DOCK3: variants seen among roughly 807,000 people sequenced by gnomAD.
DOCK3 encodes the protein dedicator of cytokinesis 3.
DOCK3 carries 60 observed loss-of-function variants against 265.6 expected under a neutral mutation model. The ratio of observed to expected loss-of-function variants is 0.23; its 90% CI spans 0.18 to 0.28. The LOEUF (loss-of-function observed/expected upper bound fraction) is 0.28. Among genes scored for constraint, DOCK3 ranks in the 10% least tolerant of loss-of-function variants. The pLI, the probability that DOCK3 is intolerant of heterozygous loss-of-function variation, is 1.00. For synonymous variants in DOCK3, 881 were observed against 938.0 expected (o/e 0.94, Z 1.11); for missense variants, 1,981 against 2,594.3 (o/e 0.76, Z 5.14).
chr3:51,115,200 G>A (rs1032109327), intron 9 of DOCK3, among the ~76,000 whole-genome samples: 2 of 152,156 alleles, frequency 1.3e-5, no homozygotes, highest in Non-Finnish European at 2.9e-5. Context: ...TCTAGTTGTA[G>A]ATCCCTGAGG....
chr3:50,985,985 C>T (rs2077887764), intron 5 of DOCK3, among the ~76,000 whole-genome samples: 2 of 151,918 alleles, frequency 1.3e-5, no homozygotes, highest in African/African-American at 4.8e-5. Flanking sequence ...GCTAGGCATT[C>T]TACCTTGTGC....
In DOCK3 at chr3:50,787,088, T is replaced by C. The variant is rs2042222818; in HGVS notation, c.121+8330T>C. The C allele has an allele frequency of 2.1e-5, 15 of 726,418 alleles. 1 individual carries two copies. The South Asian group carries it at 2.1e-4, about 10-fold the overall frequency. 45.0% of individuals were successfully genotyped at this position (726,418 alleles called of 1,614,324 possible). On this transcript the variant is annotated intron_variant, in intron 2 of 52. Coordinates refer to ENST00000266037, the MANE Select transcript of DOCK3 (RefSeq NM_004947.5). ...CTTGATATGTTCATGAAGGATCCAG[T>C]TTCTTGAACGATTTATTACAGGCAA...
chr3:51,365,680 A>G (rs1179334186), intron 49 of DOCK3, among the ~76,000 whole-genome samples: 1 of 152,226 alleles, frequency 6.6e-6, no homozygotes, highest in Non-Finnish European at 1.5e-5. Context: ...TAGTTTATTG[A>G]GAGTTTTTAG....
chr3:51,257,435 A>G (rs2079609273), intron 22 of DOCK3, among the ~76,000 whole-genome samples: 1 of 152,212 alleles, frequency 6.6e-6, no homozygotes, highest in Admixed American at 6.5e-5. Flanking sequence ...CATGACCTTA[A>G]GAAAAGTTCT....
chr3:50,969,210 T>C (rs1208558831), intron 5 of DOCK3, among the ~76,000 whole-genome samples: 1 of 152,224 alleles, frequency 6.6e-6, no homozygotes, highest in Admixed American at 6.5e-5. Context: ...TGAATTGTTC[T>C]CTTTATCCTT....
chr3:51,206,158 A>G (rs1411983880), intron 12 of DOCK3, among the ~76,000 whole-genome samples: 1 of 152,238 alleles, frequency 6.6e-6, no homozygotes, highest in Non-Finnish European at 1.5e-5. Context: ...ATAATGCAGA[A>G]TGTTTTCCTC....
intron 3 of DOCK3, among the ~76,000 whole-genome samples, chr3:50,884,678 G>A (rs1024838341): frequency 6.6e-5 from 10 of 151,404 alleles, no homozygotes; most frequent in African/African-American, 2.2e-4. Context: ...GAATGTGTAC[G>A]TTTATGTCTT....
At chr3:51,290,390 A>G (rs2081665919) in intron 27 of DOCK3, among the ~76,000 whole-genome samples, 2 of 152,202 alleles carry the variant, frequency 1.3e-5, no homozygotes, top group African/African-American at 4.8e-5. Context: ...TTGTAGGGAC[A>G]TGGATGAAGC....
intron 2 of DOCK3, among the ~76,000 whole-genome samples, chr3:50,819,195 A>G (rs1021153831): frequency 8.5e-5 from 13 of 152,068 alleles, no homozygotes; most frequent in Admixed American, 4.6e-4. Context: ...TACTTCTGCT[A>G]TAGATTTTTT....
At chr3:51,248,609 C>G (rs796991736) in intron 22 of DOCK3, among the ~76,000 whole-genome samples, 2 of 151,978 alleles carry the variant, frequency 1.3e-5, no homozygotes, top group Non-Finnish European at 2.9e-5. Flanking sequence ...TCTGCCCGGC[C>G]GCCACCCCGT....
intron 5 of DOCK3, among the ~76,000 whole-genome samples, chr3:50,974,081 T>C (rs1469499943): frequency 9.9e-5 from 15 of 150,902 alleles, no homozygotes; most frequent in Non-Finnish European, 1.3e-4. Flanking sequence ...TTCTCCCATT[T>C]TGTAGGTTGC....
At chr3:50,772,614 C>T (rs1165932204) in intron 1 of DOCK3, among the ~76,000 whole-genome samples, 1 of 152,086 alleles carries the variant, frequency 6.6e-6, no homozygotes, top group Non-Finnish European at 1.5e-5. Context: ...CATAAATTAA[C>T]ATATAAAATA....
At chr3:50,887,185 C>G (rs965153312) in intron 3 of DOCK3, among the ~76,000 whole-genome samples, 6 of 152,024 alleles carry the variant, frequency 3.9e-5, no homozygotes, top group African/African-American at 7.2e-5. Context: ...GGGGATATCA[C>G]CACCGATCCC....
At chr3:50,755,370 A>G (rs1016741408) in intron 1 of DOCK3, among the ~76,000 whole-genome samples, 4 of 152,198 alleles carry the variant, frequency 2.6e-5, no homozygotes, top group African/African-American at 7.2e-5. Context: ...CTCCATGTAT[A>G]GTATCACCAC....
chr3:51,030,667 A>G (rs753434176), intron 5 of DOCK3, among the ~76,000 whole-genome samples: 1 of 152,208 alleles, frequency 6.6e-6, no homozygotes, highest in Admixed American at 6.5e-5. Flanking sequence ...AGTAATAAGC[A>G]TTTTAAGAAT....
intron 1 of DOCK3, among the ~76,000 whole-genome samples, chr3:50,681,602 T>C (rs1265409857): frequency 6.6e-6 from 1 of 152,362 alleles, no homozygotes; most frequent in African/African-American, 2.4e-5. Flanking sequence ...AAATTTTTTT[T>C]ATACATCACC....
chr3:50,981,125 T>A (rs1302020051), intron 5 of DOCK3, among the ~76,000 whole-genome samples: 1 of 152,236 alleles, frequency 6.6e-6, no homozygotes, highest in Non-Finnish European at 1.5e-5. Flanking sequence ...GCTTTTGCTG[T>A]ATCCCATAGG....
chr3:51,090,468 T>A (rs903950278), intron 9 of DOCK3, 84 bp downstream of exon 9: 3 of 1,379,550 alleles, frequency 2.2e-6, no homozygotes, highest in Non-Finnish European at 2.9e-6. Context: ...AGAAGACAGA[T>A]GCACAGAAGA....
intron 4 of DOCK3, among the ~76,000 whole-genome samples, chr3:50,918,027 A>C (rs1306551517): frequency 6.6e-5 from 10 of 151,850 alleles, no homozygotes; most frequent in Non-Finnish European, 1.2e-4. Context: ...TTCTGTCCTT[A>C]TGATAGTTTG....
Sources: gnomAD v4.1 joint callset for allele counts (sites outside exome capture counted in the v4.1 genomes callset) on GRCh38, gnomAD v4.1.1 for gene constraint, MANE v1.5 for transcripts, NCBI Gene and HGNC (gene_info 2026-07-23, HGNC 2026-07-21) for gene names.